Variants in MGAT5 observed in about 807,000 individuals in gnomAD.
MGAT5 encodes the protein alpha-1,6-mannosylglycoprotein 6-beta-N-acetylglucosaminyltransferase.
A neutral mutation model predicts 94.3 loss-of-function variants in MGAT5; 30 were observed. That is an observed-to-expected ratio of 0.32 (90% CI 0.24 to 0.43). The LOEUF is 0.43. MGAT5 is among the 20% of genes least tolerant of loss of function. The pLI, the probability that MGAT5 is intolerant of heterozygous loss-of-function variation, is 1.00. For missense variants in MGAT5, 691 were observed against 905.5 expected (o/e 0.76, Z 3.04); for synonymous variants, 310 against 322.9 (o/e 0.96, Z 0.43).
intron 11 of MGAT5, among the ~76,000 whole-genome samples, chr2:134,411,642 G>A (rs1403508313): frequency 6.6e-6 from 1 of 152,186 alleles, no homozygotes; most frequent in East Asian, 1.9e-4. Flanking sequence ...CCTGACACAT[G>A]CAGCCCGGCA....
Position 134,270,495 on chromosome 2 carries a change from C to T in MGAT5, c.351C>T (p.Thr117=). The T allele has an allele frequency of 6.2e-7, 1 of 1,614,154 alleles. No individual in the cohort carries two copies. Among genetic ancestry groups the T allele is most frequent in the Non-Finnish European group, 8.5e-7 (1 of 1,180,018 alleles). ...LVVNGTGTNS[T]NSTTAVPSLV... is the part of the protein sequence containing the mutation. The stretch of plus-strand genomic sequence containing the variant: ...TCAATGGCACCGGAACAAACTCAAC[C>T]AACTCCACTACAGCTGTTCCCAGCT... Residue 117 remains threonine (T), a synonymous_variant, in exon 2 of 16, where the codon ACC becomes ACT. Transcript: ENST00000281923.
chr2:134,158,296 G>A (rs542373160), intron 1 of MGAT5, among the ~76,000 whole-genome samples: 34 of 152,320 alleles, frequency 2.2e-4, no homozygotes, highest in South Asian at 4.2e-4. Flanking sequence ...GCCAAGGGGC[G>A]CCTGCAGGCC....
At chr2:134,246,011 C>T (rs1682238629) in intron 1 of MGAT5, among the ~76,000 whole-genome samples, 1 of 152,068 alleles carries the variant, frequency 6.6e-6, no homozygotes, top group Admixed American at 6.6e-5. Flanking sequence ...AGGGGATGGG[C>T]TGTTTAAAAC....
chr2:134,152,110 C>T (rs34683777), intron 1 of MGAT5, among the ~76,000 whole-genome samples: 18,982 of 126,362 alleles, frequency 0.15, 1,532 homozygotes, highest in South Asian at 0.2. Flanking sequence ...ACCCGCCCAC[C>T]GCCATGGGAC....
intron 10 of MGAT5, among the ~76,000 whole-genome samples, chr2:134,376,219 T>C (rs2106179090): frequency 6.6e-6 from 1 of 152,310 alleles, no homozygotes; most frequent in East Asian, 1.9e-4. Context: ...AATTTTAACC[T>C]ATTGCCTAAG....
In MGAT5 at chr2:134,333,544, C is replaced by A. The variant is rs901551601; in HGVS notation, c.574-2673C>A. On this transcript the variant is annotated intron_variant, in intron 4 of 15. Transcript: ENST00000281923. ...GCACATGTATACATATGTACCTAACCTGCACATTGTGCACATGTACCCTAA... is the reference window on the plus strand; with the variant it reads ...GCACATGTATACATATGTACCTAACATGCACATTGTGCACATGTACCCTAA... Among the ~76,000 whole-genome samples the A allele has an allele frequency of 4.1e-4, 62 of 151,686 alleles. 3 individuals are homozygous for A. Among genetic ancestry groups the A allele is most frequent in the Non-Finnish European group, 4.4e-5 (3 of 67,948 alleles).
intron 1 of MGAT5, among the ~76,000 whole-genome samples, chr2:134,213,406 C>T (rs1345260413): frequency 7.5e-6 from 1 of 133,636 alleles, no homozygotes; most frequent in Non-Finnish European, 1.6e-5. Flanking sequence ...TCTCAAAATA[C>T]TTGTGACACC....
At chr2:134,216,336 C>G (rs978774948) in intron 1 of MGAT5, among the ~76,000 whole-genome samples, 1 of 152,108 alleles carries the variant, frequency 6.6e-6, no homozygotes, top group Non-Finnish European at 1.5e-5. Context: ...CCTATGAGAC[C>G]GAACTTGATT....
intron 1 of MGAT5, among the ~76,000 whole-genome samples, chr2:134,261,506 ACC>A (rs1226707517): frequency 2.6e-5 from 4 of 151,116 alleles, no homozygotes; most frequent in Admixed American, 6.6e-5. Flanking sequence ...GCTCTCCCCC[ACC>A]CCTTCCTCTC....
intron 4 of MGAT5, among the ~76,000 whole-genome samples, chr2:134,333,493 G>A (rs1159055418): frequency 6.6e-6 from 1 of 150,758 alleles, no homozygotes; most frequent in African/African-American, 2.4e-5. Flanking sequence ...TAAATGATGA[G>A]TTAATGGGTG....
chr2:134,259,736 C>T (rs576007874), intron 1 of MGAT5, among the ~76,000 whole-genome samples: 1 of 152,328 alleles, frequency 6.6e-6, no homozygotes, highest in South Asian at 2.1e-4. Flanking sequence ...TTCTGTCTTT[C>T]AAGCCTGGTC....
At chr2:134,224,128 T>C (rs936119297) in intron 1 of MGAT5, among the ~76,000 whole-genome samples, 6 of 152,180 alleles carry the variant, frequency 3.9e-5, no homozygotes, top group African/African-American at 1.2e-4. Flanking sequence ...ATGCTCGTCA[T>C]GGCATTTATT....
chr2:134,279,952 C>T (rs1479460004), intron 2 of MGAT5, among the ~76,000 whole-genome samples: 1 of 152,080 alleles, frequency 6.6e-6, no homozygotes, highest in African/African-American at 2.4e-5. Context: ...TAAAAAAATA[C>T]TTGGAATAAA....
chr2:134,436,909 T>G (rs1210444420), intron 14 of MGAT5, among the ~76,000 whole-genome samples: 1 of 152,234 alleles, frequency 6.6e-6, no homozygotes, highest in South Asian at 2.1e-4. Flanking sequence ...CTGCTCCTTC[T>G]GACTTGAAGC....
At chr2:134,391,307 TGGCACTTCTAAGCAGGAGA>T (rs1682392017) in intron 10 of MGAT5, among the ~76,000 whole-genome samples, 1 of 152,312 alleles carries the variant, frequency 6.6e-6, no homozygotes, top group South Asian at 2.1e-4. Flanking sequence ...AATGGCAGGA[TGGCACTTCTAAGCAGGAGA>T]GAGTGTCTTG....
At chr2:134,239,102 A>G (rs1257181) in intron 1 of MGAT5, among the ~76,000 whole-genome samples, 87,603 of 151,982 alleles carry the variant, frequency 0.58, 28,774 homozygotes, top group Non-Finnish European at 0.74. Context: ...AGCTTCAAGC[A>G]ATTCTCCTGC....
intron 1 of MGAT5, among the ~76,000 whole-genome samples, chr2:134,165,444 A>G (rs1050868617): frequency 6.6e-6 from 1 of 152,090 alleles, no homozygotes; most frequent in Non-Finnish European, 1.5e-5. Context: ...TTTTTTTTAG[A>G]GGAAGATGGC....
chr2:134,178,476 GGA>G lies in MGAT5; in HGVS notation c.-143+58192_-143+58193del, dbSNP rs1342467691. ...TTATCCCACCCAGCAAATGGAGTTG[GGA>G]GAGAGACCCAGGCACCTTCCCCTCC... On this transcript the variant is annotated intron_variant, in intron 1 of 16. Coordinates refer to the MGAT5 transcript ENST00000409645. Among the ~76,000 whole-genome samples, 4 of 152,258 alleles carry G rather than the reference GGA, an allele frequency of 2.6e-5. No homozygotes were observed. In the South Asian group the frequency reaches 6.2e-4, roughly 24 times the overall value.
intron 4 of MGAT5, among the ~76,000 whole-genome samples, chr2:134,324,782 C>CGGATT (rs1687544019): frequency 6.6e-6 from 1 of 151,950 alleles, no homozygotes; most frequent in Non-Finnish European, 1.5e-5. Flanking sequence ...AAAATATCAC[C>CGGATT]GGATTGTTGC....
Sources: allele counts gnomAD v4.1 joint callset (sites outside exome capture counted in the v4.1 genomes callset), GRCh38; gene constraint gnomAD v4.1.1; transcripts MANE v1.5; gene names NCBI Gene and HGNC (gene_info 2026-07-23, HGNC 2026-07-21).